PLEKHH2: variants seen among roughly 807,000 people sequenced by gnomAD.
PLEKHH2 encodes pleckstrin homology, MyTH4 and FERM domain containing H2, also known as pleckstrin homology domain-containing family H member 2.
PLEKHH2 carries 129 observed loss-of-function variants against 187.9 expected under a neutral mutation model. The observed-to-expected ratio is 0.69, with a 90% CI of 0.59 to 0.79. The LOEUF (loss-of-function observed/expected upper bound fraction) is 0.79. PLEKHH2 is among the 30% of genes least tolerant of loss of function. PLEKHH2 has a pLI of 0.00. For synonymous variants in PLEKHH2, 686 were observed against 605.6 expected (o/e 1.13, Z -1.95); for missense variants, 2,076 against 1,751.2 (o/e 1.19, Z -3.31).
intron 2 of PLEKHH2, among the ~76,000 whole-genome samples, chr2:43,669,998 C>T (rs1667418537): frequency 6.6e-6 from 1 of 152,050 alleles, no homozygotes; most frequent in Non-Finnish European, 1.5e-5. Context: ...TTTACAGAAC[C>T]TTAAAAAAGC....
At chr2:43,667,705 G>A (rs1026790890) in intron 2 of PLEKHH2, among the ~76,000 whole-genome samples, 2 of 152,204 alleles carry the variant, frequency 1.3e-5, no homozygotes, top group Non-Finnish European at 2.9e-5. Flanking sequence ...ACATGTTATA[G>A]GAATCCATTC....
At chr2:43,749,947 A>G (rs1284986834) in intron 24 of PLEKHH2, among the ~76,000 whole-genome samples, 3 of 152,266 alleles carry the variant, frequency 2.0e-5, no homozygotes, top group African/African-American at 7.2e-5. Context: ...GATCTAATTA[A>G]CAGGTTTTGA....
At chr2:43,760,116 A>C (rs1672364383) in intron 27 of PLEKHH2, among the ~76,000 whole-genome samples, 1 of 152,218 alleles carries the variant, frequency 6.6e-6, no homozygotes, top group Non-Finnish European at 1.5e-5. Flanking sequence ...ACTGTAGAGC[A>C]GCATGGATTT....
chr2:43,675,704 C>T (rs747464354), intron 2 of PLEKHH2: 1 of 1,613,974 alleles, frequency 6.2e-7, no homozygotes, highest in East Asian at 2.2e-5. Flanking sequence ...ACACTTTGAT[C>T]TGCACAGGTC....
chr2:43,639,916 C>T (rs927608634), intron 1 of PLEKHH2, among the ~76,000 whole-genome samples: 1 of 152,162 alleles, frequency 6.6e-6, no homozygotes, highest in African/African-American at 2.4e-5. Flanking sequence ...TTTTGCCCTA[C>T]AAAGTGCTGG....
In PLEKHH2 at chr2:43,742,797, A is replaced by G; in HGVS notation, c.3278A>G (p.Gln1093Arg). The change falls in exon 22 of 30, where the codon CAA becomes CGA. Residue 1093 changes from glutamine (Q) to arginine (R), a missense_variant. Transcript: ENST00000282406. ...CAGCGTTGTGTAGAAAGAACGCAAC[A>G]AAATGGTGACAGAGAAGCAAGACCC... is the stretch of plus-strand genomic sequence containing the variant. ...YCQRCVERTQQNGDREARPSR... is the reference protein window; with the variant it reads ...YCQRCVERTQRNGDREARPSR... 6.2e-7 allele frequency: 1 copy of G among 1,607,232 alleles called. No individual in the cohort carries two copies. Among genetic ancestry groups the G allele is most frequent in the Non-Finnish European group, 8.5e-7 (1 of 1,177,500 alleles).
intron 19 of PLEKHH2, among the ~76,000 whole-genome samples, chr2:43,736,692 G>A (rs141738352): frequency 1.3e-5 from 2 of 152,288 alleles, no homozygotes; most frequent in East Asian, 1.9e-4. Context: ...AAATTAGCGA[G>A]TTGTGGTGGT....
intron 9 of PLEKHH2, among the ~76,000 whole-genome samples, chr2:43,704,419 T>A (rs1334703223): frequency 6.6e-6 from 1 of 152,026 alleles, no homozygotes; most frequent in Non-Finnish European, 1.5e-5. Context: ...CCCAGCACTT[T>A]GGGAGGCTGA....
chr2:43,649,071 G>A (rs1349115615), intron 2 of PLEKHH2, among the ~76,000 whole-genome samples: 1 of 152,056 alleles, frequency 6.6e-6, no homozygotes, highest in Non-Finnish European at 1.5e-5. Context: ...TTTCATCACA[G>A]TTTCCAAGTA....
At chr2:43,745,592 C>G (rs960414836) in intron 23 of PLEKHH2, among the ~76,000 whole-genome samples, 2 of 152,144 alleles carry the variant, frequency 1.3e-5, no homozygotes, top group African/African-American at 4.8e-5. Flanking sequence ...CTTCTTGTTT[C>G]CAGTTTCAGG....
intron 2 of PLEKHH2, among the ~76,000 whole-genome samples, chr2:43,651,968 G>A (rs1488062696): frequency 6.6e-6 from 1 of 152,026 alleles, no homozygotes. Flanking sequence ...GATTTTTAGT[G>A]GTCTATTTAT....
chr2:43,660,124 T>C (rs1666992156), intron 2 of PLEKHH2, among the ~76,000 whole-genome samples: 1 of 152,184 alleles, frequency 6.6e-6, no homozygotes, highest in Non-Finnish European at 1.5e-5. Flanking sequence ...GAGCATCATA[T>C]AGTATGACAT....
At chr2:43,681,179 A>G (rs116468765) in intron 3 of PLEKHH2, 16,125 of 691,438 alleles carry the variant, frequency 0.023, 278 homozygotes, top group South Asian at 0.047. Flanking sequence ...CTTTTGGTCC[A>G]CCACTATTCC....
intron 20 of PLEKHH2, among the ~76,000 whole-genome samples, chr2:43,739,763 A>G (rs1231917077): frequency 6.6e-6 from 1 of 152,068 alleles, no homozygotes; most frequent in Non-Finnish European, 1.5e-5. Flanking sequence ...CCATCCTTCA[A>G]ACACACTCCA....
chr2:43,656,387 A>G (rs1201312453), intron 2 of PLEKHH2, among the ~76,000 whole-genome samples: 2 of 152,198 alleles, frequency 1.3e-5, no homozygotes, highest in East Asian at 3.8e-4. Flanking sequence ...ACTTTTTATG[A>G]GTATAATTCT....
At chr2:43,695,073 T>C in intron 5 of PLEKHH2, 70 bp from the exon 6 acceptor site, 4 of 763,408 alleles carry the variant, frequency 5.2e-6, no homozygotes, top group Non-Finnish European at 7.7e-6. Context: ...CATTTTCTAA[T>C]ATTATAATTT....
chr2:43,681,015 GTTCCCTCAGA>G lies in PLEKHH2; in HGVS notation c.186+2091_186+2100del, dbSNP rs1369365030. ...CATATGCCAACTGGAAAAGTCACCT[GTTCCCTCAGA>G]ATGCCAACTGGAATTCCTTCCTGTA... is the stretch of plus-strand genomic sequence containing the variant. On this transcript the variant is annotated intron_variant, in intron 3 of 29. Coordinates refer to ENST00000282406, the MANE Select transcript of PLEKHH2 (RefSeq NM_172069.4). 4 of 1,261,380 alleles carry G rather than the reference GTTCCCTCAGA, an allele frequency of 3.2e-6. No homozygotes were observed. In the East Asian group the frequency reaches 1.0e-4, roughly 33 times the overall value. The allele number at this position is 1,261,380 out of a possible 1,614,324, so 78.1% of individuals were successfully genotyped here. A position where few individuals can be genotyped will look rare whatever the true frequency, so the allele number is the denominator to read the frequency against.
At chr2:43,765,368 T>TGA in intron 29 of PLEKHH2, 45 bp from the exon 30 acceptor site, 1 of 1,580,708 alleles carries the variant, frequency 6.3e-7, no homozygotes, top group South Asian at 1.1e-5. Flanking sequence ...CTGGAAGTGA[T>TGA]GAGAACTTCT....
intron 11 of PLEKHH2, among the ~76,000 whole-genome samples, chr2:43,709,014 C>T (rs1321773235): frequency 6.6e-6 from 1 of 152,058 alleles, no homozygotes; most frequent in Non-Finnish European, 1.5e-5. Context: ...TAAATAATTA[C>T]CTAAGTCCTT....
Sources: allele counts gnomAD v4.1 joint callset (sites outside exome capture counted in the v4.1 genomes callset), GRCh38; gene constraint gnomAD v4.1.1; transcripts MANE v1.5; gene names NCBI Gene and HGNC (gene_info 2026-07-23, HGNC 2026-07-21).